Variants in MAP2K5 observed in about 807,000 individuals in gnomAD.
MAP2K5 encodes mitogen-activated protein kinase kinase 5, also known as dual specificity mitogen-activated protein kinase kinase 5.
In MAP2K5, 49 loss-of-function variants were observed where a neutral mutation model predicts 83.1. That is an observed-to-expected ratio of 0.59 (90% CI 0.47 to 0.75). The LOEUF (loss-of-function observed/expected upper bound fraction) is 0.75, where lower values mean the gene tolerates loss of function less well. Ranked by LOEUF, MAP2K5 falls within the 30% of genes least tolerant of loss-of-function variation. The pLI is 0.00. For missense variants in MAP2K5, 457 were observed against 557.5 expected (o/e 0.82, Z 1.82); for synonymous variants, 202 against 191.8 (o/e 1.05, Z -0.44).
chr15:67,806,855 C>G lies in MAP2K5; in HGVS notation c.*105C>G. The G allele has an allele frequency of 6.3e-7, 1 of 1,596,178 alleles. No individual in the cohort carries two copies. Among genetic ancestry groups the G allele is most frequent in the Non-Finnish European group, 8.5e-7 (1 of 1,178,712 alleles). ...TGCGCCAGAAGAGCTTTGCTGGGCCCTGGCTTCCCTGCCCTCGCCTTCACC... is the reference window on the plus strand; with the variant it reads ...TGCGCCAGAAGAGCTTTGCTGGGCCGTGGCTTCCCTGCCCTCGCCTTCACC... On this transcript the variant is annotated 3_prime_UTR_variant, in exon 22 of 22. Transcript: ENST00000178640.
intron 6 of MAP2K5, 40 bp downstream of exon 6, chr15:67,586,953 A>C (rs768756731): frequency 1.2e-6 from 2 of 1,605,468 alleles, no homozygotes; most frequent in Admixed American, 3.3e-5. Context: ...GATGTGATTT[A>C]TCTACAGAGT....
At chr15:67,771,845 C>G (rs2090148502) in intron 20 of MAP2K5, among the ~76,000 whole-genome samples, 1 of 152,120 alleles carries the variant, frequency 6.6e-6, no homozygotes, top group South Asian at 2.1e-4. Context: ...AAGAAAAAAG[C>G]ATCCGTGTGA....
At chr15:67,662,649 C>A (rs547601547) in intron 12 of MAP2K5, among the ~76,000 whole-genome samples, 78 of 152,150 alleles carry the variant, frequency 5.1e-4, no homozygotes, top group African/African-American at 1.8e-3. Context: ...TTAATGGTGA[C>A]CACTGATTAA....
rs146888784 is a variant in MAP2K5 at position 67,774,202 on chromosome 15, T to TGTGTGA, written c.1242+1451_1242+1452insTGTGAG. ...GTGTGTGTGTGTGTGTGTGTGTGTG[T>TGTGTGA]GAGAGAACATAGGTATTTAGATATA... On this transcript the variant is annotated intron_variant, in intron 21 of 21. Coordinates refer to ENST00000178640, the MANE Select transcript of MAP2K5 (RefSeq NM_145160.3). The surrounding 1 kb of genome is among the most constrained non-coding windows in gnomAD (Gnocchi z 4.9). Among the ~76,000 whole-genome samples the TGTGTGA allele has an allele frequency of 2.7e-3, 410 of 150,690 alleles. 3 individuals carry two copies. The highest frequency in any genetic ancestry group is 9.7e-3 in the African/African-American group (395 of 40,844).
chr15:67,584,554 A>G (rs1028110186), intron 4 of MAP2K5, among the ~76,000 whole-genome samples: 6 of 152,084 alleles, frequency 3.9e-5, no homozygotes, highest in Admixed American at 3.9e-4. Flanking sequence ...AAGTAAAAAC[A>G]TTTTGTTATG....
intron 6 of MAP2K5, among the ~76,000 whole-genome samples, chr15:67,589,083 A>G (rs1230408690): frequency 2.6e-5 from 4 of 151,900 alleles, no homozygotes; most frequent in East Asian, 3.9e-4. Flanking sequence ...GGCTCAAGCA[A>G]TTTTCTCACT....
intron 11 of MAP2K5, among the ~76,000 whole-genome samples, chr15:67,655,064 CAA>C (rs35723223): frequency 7.5e-5 from 9 of 120,588 alleles, no homozygotes; most frequent in Non-Finnish European, 7.1e-5. Flanking sequence ...GACTCCATCT[CAA>C]AAAAAAAAAA....
rs1195983189 is a variant in MAP2K5, at chr15:67,664,585, T to C, written c.799-12T>C. The C allele has an allele frequency of 2.0e-6, 3 of 1,492,638 alleles. No individual in the cohort carries two copies. The highest frequency in any genetic ancestry group is 1.9e-6 in the Non-Finnish European group (2 of 1,071,404). 92.5% of individuals were successfully genotyped at this position (1,492,638 alleles called of 1,614,324 possible). ...ATTGATAATTGTACTGTTTTCTTTT[T>C]CCTAAATTTAGGTTGTTAAAGGCCT... On this transcript the variant is annotated splice_polypyrimidine_tract_variant and intron_variant, in intron 12 of 21. Coordinates refer to ENST00000178640, the MANE Select transcript of MAP2K5 (RefSeq NM_145160.3).
rs550769626 is a variant in MAP2K5 at position 67,780,461 on chromosome 15, A to G, written c.1242+7709A>G. ...CAAAACAGTGTTGGTTGCACATGCT[A>G]TTCTCTCTAATCCAATCCAGTAAAA... On this transcript the variant is annotated intron_variant, in intron 21 of 21. Transcript: ENST00000178640. The surrounding 1 kb of genome is among the most constrained non-coding windows in gnomAD (Gnocchi z 5.0). Among the ~76,000 whole-genome samples, 8 of 152,320 alleles carry G rather than the reference A, an allele frequency of 5.3e-5. No homozygotes were observed. In the East Asian group the frequency reaches 7.7e-4, roughly 15 times the overall value.
At chr15:67,694,901 C>G (rs1009361035) in intron 15 of MAP2K5, among the ~76,000 whole-genome samples, 6 of 152,084 alleles carry the variant, frequency 3.9e-5, no homozygotes, top group South Asian at 2.1e-4. Flanking sequence ...AAATGTGGCA[C>G]ATATACACCA....
chr15:67,615,618 A>T (rs1313781145), intron 8 of MAP2K5, among the ~76,000 whole-genome samples: 1 of 152,144 alleles, frequency 6.6e-6, no homozygotes, highest in Non-Finnish European at 1.5e-5. Flanking sequence ...GTGTTAATAA[A>T]ATCTACCTTC....
rs1339393151 is a variant in MAP2K5, at chr15:67,708,159, A to G, written c.1044+4751A>G. Among the ~76,000 whole-genome samples the G allele has an allele frequency of 6.6e-6, 1 of 151,790 alleles. No individual in the cohort carries two copies. Among genetic ancestry groups the G allele is most frequent in the African/African-American group, 2.4e-5 (1 of 41,300 alleles). On this transcript the variant is annotated intron_variant, in intron 16 of 21. Transcript: ENST00000178640. This position sits in a 1 kb window ranked among gnomAD's most constrained non-coding sequence, Gnocchi z 4.9. ...AGCAAGACTCCATCTCTAAAAAAAC[A>G]ATTTTTTTTTTCATTTAGCCAGGAA...
At chr15:67,662,857 T>C (rs2141150000) in intron 12 of MAP2K5, among the ~76,000 whole-genome samples, 1 of 152,314 alleles carries the variant, frequency 6.6e-6, no homozygotes, top group African/African-American at 2.4e-5. Flanking sequence ...TCAACATATA[T>C]GCTTTGCACC....
intron 19 of MAP2K5, among the ~76,000 whole-genome samples, chr15:67,756,721 T>A (rs1270574128): frequency 6.6e-6 from 1 of 152,178 alleles, no homozygotes; most frequent in Non-Finnish European, 1.5e-5. Context: ...TGGTAACTAC[T>A]CTTCTACTTT....
At chr15:67,610,309 T>C (rs2085889551) in intron 8 of MAP2K5, among the ~76,000 whole-genome samples, 1 of 152,218 alleles carries the variant, frequency 6.6e-6, no homozygotes. Context: ...TGTTATTTGG[T>C]CTACCCTTTG....
intron 11 of MAP2K5, among the ~76,000 whole-genome samples, chr15:67,649,552 TA>T (rs1321437564): frequency 9.2e-5 from 14 of 152,170 alleles, no homozygotes; most frequent in Admixed American, 9.2e-4. Context: ...TGCATGTAGA[TA>T]TACATTTGTT....
rs1341881633 is a variant in MAP2K5, at chr15:67,719,438, C to T, written c.1045-8478C>T. Reference sequence around the variant, plus strand: ...GTCAACCTACTGCAAAATGCTATTTCTGATGTCATGGAGAACATAAAAGTT... The same window carrying T: ...GTCAACCTACTGCAAAATGCTATTTTTGATGTCATGGAGAACATAAAAGTT... On this transcript the variant is annotated intron_variant, in intron 16 of 21. Coordinates refer to ENST00000178640, the MANE Select transcript of MAP2K5 (RefSeq NM_145160.3). The surrounding 1 kb of genome is among the most constrained non-coding windows in gnomAD (Gnocchi z 4.6). 6.6e-6 allele frequency among the ~76,000 whole-genome samples: 1 copy of T among 152,172 alleles called. No individual in the cohort carries two copies. The highest frequency in any genetic ancestry group is 2.4e-5 in the African/African-American group (1 of 41,436).
At chr15:67,789,663 C>T (rs904126437) in intron 21 of MAP2K5, among the ~76,000 whole-genome samples, 2 of 151,182 alleles carry the variant, frequency 1.3e-5, no homozygotes, top group South Asian at 2.1e-4. Flanking sequence ...TGCAGTGAGC[C>T]GAGATCGCAC....
At chr15:67,659,717 GC>G (rs1163237053) in intron 12 of MAP2K5, among the ~76,000 whole-genome samples, 1 of 151,544 alleles carries the variant, frequency 6.6e-6, no homozygotes, top group Non-Finnish European at 1.5e-5. Context: ...ATAATAAAGG[GC>G]AAAAAAAGGC....
Sources: allele counts gnomAD v4.1 joint callset (sites outside exome capture counted in the v4.1 genomes callset), GRCh38; gene constraint gnomAD v4.1.1; non-coding constraint Gnocchi (gnomAD v3.1); transcripts MANE v1.5; gene names NCBI Gene and HGNC (gene_info 2026-07-23, HGNC 2026-07-21).